PEG3: variants seen among roughly 807,000 people sequenced by gnomAD.
PEG3 encodes the protein paternally-expressed gene 3 protein.
A neutral mutation model predicts 35.5 loss-of-function variants in PEG3; 23 were observed. The ratio of observed to expected loss-of-function variants is 0.65; its 90% CI spans 0.47 to 0.92. PEG3 has a LOEUF of 0.92. Among genes scored for constraint, PEG3 ranks in the 40% least tolerant of loss-of-function variants. PEG3 has a pLI of 0.00. For synonymous variants in PEG3, 707 were observed against 697.0 expected (o/e 1.01, Z -0.23); for missense variants, 1,960 against 1,985.3 (o/e 0.99, Z 0.24).
In PEG3 at chr19:56,818,721, A is replaced by G; in HGVS notation, c.670-19T>C. 1 of 1,613,170 alleles carries G rather than the reference A, an allele frequency of 6.2e-7. No homozygotes were observed. The highest frequency in any genetic ancestry group is 8.5e-7 in the Non-Finnish European group (1 of 1,179,210). ...CAGCATCCTAAAACAGCAAACACAG[A>G]CCTCTCAATGGAGTCTGTCCCCACC... On this transcript the variant is annotated intron_variant, in intron 7 of 9. Coordinates refer to ENST00000326441, the MANE Select transcript of PEG3 (RefSeq NM_006210.3).
Position 56,812,242 on chromosome 19 carries a change from C to T in PEG3, c.*1433G>A, listed in dbSNP as rs939118447. 1.0e-6 allele frequency: 1 copy of T among 977,728 alleles called. No homozygotes were observed. The highest frequency in any genetic ancestry group is 1.2e-6 in the Non-Finnish European group (1 of 823,314). The allele number at this position is 977,728 out of a possible 1,614,324, so 60.6% of individuals were successfully genotyped here. A position where few individuals can be genotyped will look rare whatever the true frequency, so the allele number is the denominator to read the frequency against. On this transcript the variant is annotated 3_prime_UTR_variant, in exon 10 of 10. Coordinates refer to ENST00000326441, the MANE Select transcript of PEG3 (RefSeq NM_006210.3). ...AGCACAGGTAGTCCACAGAATAGGACACAAGAAACCTCAAGCTGTGAGGTC... is the reference window on the plus strand; with the variant it reads ...AGCACAGGTAGTCCACAGAATAGGATACAAGAAACCTCAAGCTGTGAGGTC...
rs760388990 is a variant in PEG3 at position 56,813,418 on chromosome 19, A to G, written c.*257T>C. ...CTGGAATACTCATAGGGTTTTCTCA[A>G]TCTGATTACTTGGAAAGGTAAGATG... On this transcript the variant is annotated 3_prime_UTR_variant, in exon 10 of 10. Coordinates refer to ENST00000326441, the MANE Select transcript of PEG3 (RefSeq NM_006210.3). 135 of 1,286,794 alleles carry G rather than the reference A, an allele frequency of 1.0e-4. No homozygotes were observed. Among genetic ancestry groups the G allele is most frequent in the Non-Finnish European group, 1.2e-4 (126 of 1,015,888 alleles). 79.7% of individuals were successfully genotyped at this position (1,286,794 alleles called of 1,614,324 possible).
At chr19:56,826,639 A>C (rs12460321) in intron 2 of PEG3, among the ~76,000 whole-genome samples, 176 bp from the exon 3 acceptor site, 1 of 152,302 alleles carries the variant, frequency 6.6e-6, no homozygotes, top group South Asian at 2.1e-4. Context: ...CAGACAGGAG[A>C]AATAAAAAGC....
At chr19:56,823,519 C>T (rs542849048) in intron 5 of PEG3, 74 bp downstream of exon 5, 193 of 1,584,996 alleles carry the variant, frequency 1.2e-4, no homozygotes, top group Middle Eastern at 1.8e-4. Context: ...GAGGCCCCAA[C>T]CCACTGTGTC....
chr19:56,832,277 G>C (rs2061646322), intron 2 of PEG3, among the ~76,000 whole-genome samples: 1 of 152,070 alleles, frequency 6.6e-6, no homozygotes, highest in Admixed American at 6.5e-5. Flanking sequence ...CCCTTTCTCT[G>C]CTGGGTTCCC....
chr19:56,815,947 C>T lies in PEG3; in HGVS notation c.2495G>A (p.Arg832Lys). ...AGCCACTAAGCTATGGATAACAGACCTACTGTATTCCCTTCCTTCAGAGGT... is the reference window on the plus strand; with the variant it reads ...AGCCACTAAGCTATGGATAACAGACTTACTGTATTCCCTTCCTTCAGAGGT... The part of the protein sequence containing the change: ...GNTSEGREYS[R>K]SVIHSLVASK... The change falls in exon 10 of 10, where the codon AGG (arginine) becomes AAG (lysine). Residue 832 changes from arginine (R) to lysine (K), a missense_variant. Arg to Lys is a conservative substitution (Grantham distance 26). Coordinates refer to ENST00000326441, the MANE Select transcript of PEG3 (RefSeq NM_006210.3). 4 of 1,596,048 alleles carry T rather than the reference C, an allele frequency of 2.5e-6. No individual in the cohort carries two copies. In the South Asian group the frequency reaches 3.4e-5, roughly 14 times the overall value.
chr19:56,826,799 C>A (rs567040088), intron 2 of PEG3, among the ~76,000 whole-genome samples: 48 of 152,226 alleles, frequency 3.2e-4, no homozygotes, highest in African/African-American at 1.0e-3. Flanking sequence ...TACTCAATTA[C>A]AATAAGACAA....
In PEG3 at chr19:56,810,753, T is replaced by C; in HGVS notation, c.*2922A>G. On this transcript the variant is annotated 3_prime_UTR_variant, in exon 10 of 10. Coordinates refer to ENST00000326441, the MANE Select transcript of PEG3 (RefSeq NM_006210.3). ...ATTTAACACTGTTATCACAAGCGTG[T>C]GCACTGAAACAAGATAGAGGAAACA... 6.1e-6 allele frequency: 6 copies of C among 984,194 alleles called. No individual in the cohort carries two copies. The highest frequency in any genetic ancestry group is 7.2e-6 in the Non-Finnish European group (6 of 828,812). The allele number at this position is 984,194 out of a possible 1,614,324, so 61.0% of individuals were successfully genotyped here. A position where few individuals can be genotyped will look rare whatever the true frequency, so the allele number is the denominator to read the frequency against.
chr19:56,816,549 C>T lies in PEG3; in HGVS notation c.1893G>A (p.Val631=). ...AGCTATGAAGGAAAGTCTCCCCACACACCTTACATTCGTACATTTTCTCTT... is the reference window on the plus strand; with the variant it reads ...AGCTATGAAGGAAAGTCTCCCCACATACCTTACATTCGTACATTTTCTCTT... The part of the protein sequence containing the change: ...YGKEKMYECK[V]CGETFLHSSS... The change falls in exon 10 of 10, where the codon GTG becomes GTA. Residue 631 remains valine, a synonymous_variant. Transcript: ENST00000326441. 6.2e-7 allele frequency: 1 copy of T among 1,614,082 alleles called. No individual in the cohort carries two copies.
chr19:56,811,529 A>C lies in PEG3; in HGVS notation c.*2146T>G, dbSNP rs983149038. 1 of 985,242 alleles carries C rather than the reference A, an allele frequency of 1.0e-6. No individual in the cohort carries two copies. The highest frequency in any genetic ancestry group is 1.2e-6 in the Non-Finnish European group (1 of 829,832). 61.0% of individuals were successfully genotyped at this position (985,242 alleles called of 1,614,324 possible). A position where few individuals can be genotyped will look rare whatever the true frequency, so the allele number is the denominator to read the frequency against. ...ATTCTCTTGTTTACCATTTGTTACT[A>C]CCTTTTCACTAGCTGAAGGTTGGAA... On this transcript the variant is annotated 3_prime_UTR_variant, in exon 10 of 10. Transcript: ENST00000326441.
At chr19:56,835,950 C>CA (rs1265137518) in intron 2 of PEG3, 68 bp downstream of exon 2, 1 of 473,968 alleles carries the variant, frequency 2.1e-6, no homozygotes, top group African/African-American at 2.0e-5. Flanking sequence ...AGGAAAGTGT[C>CA]AGAGTAAGGA....
rs558165622 is a variant in PEG3 at position 56,836,832 on chromosome 19, G to A, written c.-249-728C>T. 8.5e-5 allele frequency among the ~76,000 whole-genome samples: 13 copies of A among 152,124 alleles called. No individual in the cohort carries two copies. The East Asian group carries it at 2.1e-3, about 25-fold the overall frequency. On this transcript the variant is annotated intron_variant, in intron 1 of 9. Transcript: ENST00000326441. Reference sequence around the variant, plus strand: ...AAAAATATAAAATTAGATGGGCATGGTGGCGCGCGCCTGTATTCCCAGCTA... The same window carrying A: ...AAAAATATAAAATTAGATGGGCATGATGGCGCGCGCCTGTATTCCCAGCTA...
chr19:56,827,996 T>G (rs2061217077), intron 2 of PEG3, among the ~76,000 whole-genome samples: 1 of 152,240 alleles, frequency 6.6e-6, no homozygotes, highest in African/African-American at 2.4e-5. Flanking sequence ...CCTTTTGTTT[T>G]TTGTTTTTAT....
chr19:56,817,428 T>C lies in PEG3; in HGVS notation c.1014A>G (p.Ser338=). Residue 338 remains serine, a synonymous_variant, in exon 10 of 10, where the codon TCA becomes TCG. Transcript: ENST00000326441. ...CATCTGACATTCTGGGGAATCTCTG[T>C]GACCGGTCGCTTGACTCCCTTGCTC... ...SGRARESSDR[S]QRFPRMSDDN... is the part of the protein sequence containing the mutation. 1 of 1,614,170 alleles carries C rather than the reference T, an allele frequency of 6.2e-7. No homozygotes were observed. Among genetic ancestry groups the C allele is most frequent in the African/African-American group, 1.3e-5 (1 of 75,052 alleles).
intron 1 of PEG3, among the ~76,000 whole-genome samples, chr19:56,838,364 C>G (rs10408923): frequency 0.021 from 3,192 of 152,334 alleles, 112 homozygotes; most frequent in African/African-American, 0.072. Flanking sequence ...GGGCGCCACC[C>G]TGTGGCTAGC....
intron 2 of PEG3, among the ~76,000 whole-genome samples, chr19:56,828,681 A>G (rs1215967259): frequency 6.6e-6 from 1 of 152,246 alleles, no homozygotes; most frequent in East Asian, 1.9e-4. Flanking sequence ...GATGACAGTT[A>G]ATGTTTGAAA....
intron 8 of PEG3, among the ~76,000 whole-genome samples, chr19:56,818,092 G>T (rs2060145530): frequency 6.6e-6 from 1 of 152,168 alleles, no homozygotes; most frequent in African/African-American, 2.4e-5. Flanking sequence ...TCAGTGCATT[G>T]TCTTTTAGTC....
intron 2 of PEG3, among the ~76,000 whole-genome samples, chr19:56,829,485 C>G (rs948620486): frequency 6.6e-6 from 1 of 152,036 alleles, no homozygotes; most frequent in South Asian, 2.1e-4. Flanking sequence ...TGGGAAGGGA[C>G]GAGCACCACT....
In PEG3 at chr19:56,815,540, GC is replaced by G; in HGVS notation, c.2901del (p.Met967IlefsTer178). On this transcript the variant is annotated frameshift_variant, in exon 10 of 10. Coordinates refer to ENST00000326441, the MANE Select transcript of PEG3 (RefSeq NM_006210.3). LOFTEE classifies it low-confidence loss of function (END_TRUNC). ...TCCCCACACTCCTGACATTCATAGA[GC>G]ATCCCTCGAGGGCGAAATGTTTGTT... Reference protein sequence around the residue: ...FGEQTFRPRGMLYECQECGEC... With the variant: ...FGEQTFRPRGXLYECQECGEC... 6.2e-7 allele frequency: 1 copy of G among 1,614,036 alleles called. No homozygotes were observed. The highest frequency in any genetic ancestry group is 8.5e-7 in the Non-Finnish European group (1 of 1,179,938).
Sources: allele counts gnomAD v4.1 joint callset (sites outside exome capture counted in the v4.1 genomes callset), GRCh38; gene constraint gnomAD v4.1.1; transcripts MANE v1.5; gene names NCBI Gene and HGNC (gene_info 2026-07-23, HGNC 2026-07-21).